Variants in CENPP observed in about 807,000 individuals in gnomAD.
CENPP encodes centromere protein P.
A neutral mutation model predicts 35.6 loss-of-function variants in CENPP; 24 were observed. That is an observed-to-expected ratio of 0.67 (90% CI 0.49 to 0.95). The LOEUF (loss-of-function observed/expected upper bound fraction) is 0.95. Ranked by LOEUF, CENPP falls within the 40% of genes least tolerant of loss-of-function variation. The pLI is 0.00. For missense variants in CENPP, 332 were observed against 345.3 expected (o/e 0.96, Z 0.31); for synonymous variants, 120 against 125.5 (o/e 0.96, Z 0.29).
intron 5 of CENPP, among the ~76,000 whole-genome samples, chr9:92,471,571 A>G (rs975302284): frequency 3.3e-5 from 5 of 151,946 alleles, no homozygotes; most frequent in Non-Finnish European, 7.4e-5. Context: ...CATGTATATT[A>G]CCAAAAACTT....
chr9:92,525,613 G>A (rs188627161), intron 5 of CENPP, among the ~76,000 whole-genome samples: 137 of 152,206 alleles, frequency 9.0e-4, no homozygotes, highest in African/African-American at 3.0e-3. Flanking sequence ...AGCACAGGCT[G>A]GGCGCGGTGG....
At chr9:92,450,108 A>ATTC (rs1844664177) in intron 5 of CENPP, among the ~76,000 whole-genome samples, 1 of 151,966 alleles carries the variant, frequency 6.6e-6, no homozygotes, top group East Asian at 1.9e-4. Context: ...TATTATTATT[A>ATTC]TTATACTTTA....
At chr9:92,602,336 C>G (rs764572212) in intron 5 of CENPP, among the ~76,000 whole-genome samples, 45 of 152,238 alleles carry the variant, frequency 3.0e-4, no homozygotes, top group African/African-American at 9.9e-4. Context: ...TTGGGACCCT[C>G]ACTGTCGTTG....
chr9:92,352,498 TGTGTG>T (rs1841477695), intron 4 of CENPP, among the ~76,000 whole-genome samples: 1 of 110,850 alleles, frequency 9.0e-6, no homozygotes, highest in African/African-American at 4.6e-5. Context: ...TGTGTGTGTG[TGTGTG>T]TGTATACATA....
At chr9:92,551,736 T>C (rs967657419) in intron 5 of CENPP, among the ~76,000 whole-genome samples, 3 of 151,902 alleles carry the variant, frequency 2.0e-5, no homozygotes, top group East Asian at 1.9e-4. Context: ...TGCGTCCTCA[T>C]AGCTTAGCTC....
At chr9:92,499,478 T>TG (rs775490624) in intron 5 of CENPP, among the ~76,000 whole-genome samples, 13 of 152,164 alleles carry the variant, frequency 8.5e-5, no homozygotes, top group Non-Finnish European at 1.6e-4. Flanking sequence ...CATCTGTGAG[T>TG]GAAACCATTG....
At chr9:92,426,608 C>T (rs750301764) in intron 5 of CENPP, among the ~76,000 whole-genome samples, 3 of 152,122 alleles carry the variant, frequency 2.0e-5, no homozygotes, top group East Asian at 1.9e-4. Context: ...CATGGGGGTA[C>T]GGGTCAACAG....
chr9:92,517,464 A>T, intron 5 of CENPP: 1 of 625,894 alleles, frequency 1.6e-6, no homozygotes, highest in Non-Finnish European at 2.8e-6. Flanking sequence ...ATCCAAGTTT[A>T]CTGAATCTGA....
At position 92,326,119 on chromosome 9, in the gene CENPP, C is replaced by G; in HGVS notation, c.107+14C>G. ...GTCCCGAGTCCAGTACGTGACCACC[C>G]CAAGTCCCCCAGGGCCCGCTGGCCA... is the stretch of plus-strand genomic sequence containing the variant. On this transcript the variant is annotated intron_variant, in intron 1 of 7. Coordinates refer to ENST00000375587, the MANE Select transcript of CENPP (RefSeq NM_001012267.3). 6.7e-7 allele frequency: 1 copy of G among 1,497,652 alleles called. No homozygotes were observed. The allele number at this position is 1,497,652 out of a possible 1,614,324, so 92.8% of individuals were successfully genotyped here.
intron 5 of CENPP, among the ~76,000 whole-genome samples, chr9:92,443,558 TTACATGCTAATTCTGAAATTAA>T (rs1844475585): frequency 1.3e-5 from 2 of 152,200 alleles, no homozygotes; most frequent in Non-Finnish European, 2.9e-5. Context: ...TTGTGTGATT[TTACATGCTAATTCTGAAATTAA>T]TATGGAAATG....
intron 5 of CENPP, chr9:92,457,415 A>T: frequency 6.2e-7 from 1 of 1,613,894 alleles, no homozygotes; most frequent in Non-Finnish European, 8.5e-7. Context: ...AGATTTCTTC[A>T]TCTTTGGCAC....
rs1164772670 is a variant in CENPP, at chr9:92,615,724, TA to T, written c.*2579del. The T allele has an allele frequency of 1.1e-6, 1 of 912,912 alleles. No homozygotes were observed. Among genetic ancestry groups the T allele is most frequent in the African/African-American group, 1.6e-5 (1 of 60,612 alleles). 56.6% of individuals were successfully genotyped at this position (912,912 alleles called of 1,614,324 possible). The stretch of plus-strand genomic sequence containing the variant: ...GAGGCAATCCCACCTCAAAAGGGGT[TA>T]AAAGCAAAAACATTCACAACCAAAG... On this transcript the variant is annotated 3_prime_UTR_variant, in exon 8 of 8. Transcript: ENST00000375587.
At chr9:92,595,273 ACT>A in intron 5 of CENPP, among the ~76,000 whole-genome samples, 1 of 151,944 alleles carries the variant, frequency 6.6e-6, no homozygotes, top group South Asian at 2.1e-4. Flanking sequence ...ATAAGATCTC[ACT>A]CTCTCATCCA....
chr9:92,527,845 A>G, intron 5 of CENPP: 1 of 154,204 alleles, frequency 6.5e-6, no homozygotes, highest in South Asian at 2.0e-4. Flanking sequence ...TATTTTTTAC[A>G]TTCTGCATAC....
At chr9:92,575,860 C>T (rs553217871) in intron 5 of CENPP, among the ~76,000 whole-genome samples, 2 of 151,974 alleles carry the variant, frequency 1.3e-5, no homozygotes, top group East Asian at 3.9e-4. Flanking sequence ...ATAACAAGCA[C>T]TGGCAAGAAA....
intron 5 of CENPP, among the ~76,000 whole-genome samples, chr9:92,560,931 C>G (rs1849834506): frequency 7.2e-6 from 1 of 138,856 alleles, no homozygotes; most frequent in Admixed American, 7.5e-5. Context: ...TGCTCTTCTA[C>G]TTTTCTGACT....
intron 4 of CENPP, among the ~76,000 whole-genome samples, chr9:92,360,891 T>C (rs1841729239): frequency 6.6e-6 from 1 of 151,458 alleles, no homozygotes; most frequent in Non-Finnish European, 1.5e-5. Flanking sequence ...TATTTTTTAG[T>C]AGAGACAGGG....
At position 92,564,670 on chromosome 9, in the gene CENPP, A is replaced by T. The variant is rs1486341433; in HGVS notation, c.565-46644A>T. 2.0e-5 allele frequency among the ~76,000 whole-genome samples: 3 copies of T among 152,354 alleles called. No homozygotes were observed. In the South Asian group the frequency reaches 6.2e-4, roughly 32 times the overall value. ...ATCAAAAGAGAAACCTGAGCTAGAGATATAAGATCCCTCAGTATGTGTGAA... is the reference window on the plus strand; with the variant it reads ...ATCAAAAGAGAAACCTGAGCTAGAGTTATAAGATCCCTCAGTATGTGTGAA... On this transcript the variant is annotated intron_variant, in intron 5 of 7. Coordinates refer to ENST00000375587, the MANE Select transcript of CENPP (RefSeq NM_001012267.3).
chr9:92,453,006 C>A (rs2131025603), intron 5 of CENPP, among the ~76,000 whole-genome samples: 1 of 152,192 alleles, frequency 6.6e-6, no homozygotes, highest in East Asian at 1.9e-4. Context: ...CTTTATTAGT[C>A]TTGCTAGGGG....
Sources: allele counts gnomAD v4.1 joint callset (sites outside exome capture counted in the v4.1 genomes callset), GRCh38; gene constraint gnomAD v4.1.1; transcripts MANE v1.5; gene names NCBI Gene and HGNC (gene_info 2026-07-23, HGNC 2026-07-21).